Variants in ATRN observed in about 807,000 individuals in gnomAD.
ATRN encodes the protein attractin-2.
A neutral mutation model predicts 178.7 loss-of-function variants in ATRN; 54 were observed. That is an observed-to-expected ratio of 0.30 (90% CI 0.24 to 0.38). ATRN has a LOEUF of 0.38. ATRN is among the 10% of genes least tolerant of loss of function. The probability of loss-of-function intolerance (pLI) is 1.00; values close to 1 mark genes in which losing one functional copy is unlikely to be tolerated. For missense variants in ATRN, 1,443 were observed against 1,815.1 expected (o/e 0.79, Z 3.73); for synonymous variants, 636 against 663.0 (o/e 0.96, Z 0.63).
intron 1 of ATRN, among the ~76,000 whole-genome samples, chr20:3,523,281 A>T (rs888916779): frequency 3.9e-5 from 6 of 151,926 alleles, no homozygotes; most frequent in Non-Finnish European, 5.9e-5. Flanking sequence ...ACAAGTATCA[A>T]TAGCCAAATC....
At chr20:3,623,304 T>C (rs2086911347) in intron 24 of ATRN, among the ~76,000 whole-genome samples, 4 of 152,368 alleles carry the variant, frequency 2.6e-5, no homozygotes, top group Middle Eastern at 6.8e-3. Flanking sequence ...GGTTTCTGTT[T>C]ATTGTATGAA....
At chr20:3,471,674 A>T (rs570278952) in intron 1 of ATRN, among the ~76,000 whole-genome samples, 157 bp downstream of exon 1, 2 of 152,286 alleles carry the variant, frequency 1.3e-5, no homozygotes, top group African/African-American at 4.8e-5. Flanking sequence ...CGGGGAGATC[A>T]TCGTCTCTGG....
At chr20:3,505,225 C>T (rs889532482) in intron 1 of ATRN, among the ~76,000 whole-genome samples, 1 of 152,182 alleles carries the variant, frequency 6.6e-6, no homozygotes, top group Non-Finnish European at 1.5e-5. Flanking sequence ...AATCTCATTT[C>T]TCTTCTGGAG....
At chr20:3,629,914 G>A (rs1271844131) in intron 25 of ATRN, among the ~76,000 whole-genome samples, 2 of 150,650 alleles carry the variant, frequency 1.3e-5, no homozygotes, top group South Asian at 4.2e-4. Flanking sequence ...CACTATCCTG[G>A]AAGCTCCCCC....
intron 1 of ATRN, among the ~76,000 whole-genome samples, chr20:3,529,953 A>C (rs139730371): frequency 6.6e-6 from 1 of 152,252 alleles, no homozygotes; most frequent in Non-Finnish European, 1.5e-5. Flanking sequence ...CGAAGAAGCA[A>C]ACTATTGAAA....
At chr20:3,605,378 C>A (rs574698110) in intron 24 of ATRN, among the ~76,000 whole-genome samples, 1 of 152,258 alleles carries the variant, frequency 6.6e-6, no homozygotes, top group Admixed American at 6.5e-5. Flanking sequence ...GCAGAAATAC[C>A]ATTTGACCCA....
At chr20:3,601,417 T>C (rs2086606138) in intron 23 of ATRN, among the ~76,000 whole-genome samples, 1 of 152,130 alleles carries the variant, frequency 6.6e-6, no homozygotes, top group African/African-American at 2.4e-5. Flanking sequence ...AAATGATTCG[T>C]TTCAATAAAT....
At chr20:3,594,622 G>C in intron 20 of ATRN, 50 bp downstream of exon 20, 1 of 1,508,670 alleles carries the variant, frequency 6.6e-7, no homozygotes, top group East Asian at 2.3e-5. Context: ...AGGCTGTGCA[G>C]CTGCCTGAAC....
chr20:3,511,417 CAGG>C (rs1304959701), intron 1 of ATRN, among the ~76,000 whole-genome samples: 1 of 151,182 alleles, frequency 6.6e-6, no homozygotes, highest in African/African-American at 2.4e-5. Context: ...CTGACAAAAT[CAGG>C]AGGATTTTTT....
chr20:3,486,018 T>A (rs537593956), intron 1 of ATRN, among the ~76,000 whole-genome samples: 8 of 152,338 alleles, frequency 5.3e-5, no homozygotes, highest in African/African-American at 1.9e-4. Flanking sequence ...CTCATATAGC[T>A]GGGTCTGGAA....
chr20:3,613,234 G>GT (rs1209439638), intron 24 of ATRN, among the ~76,000 whole-genome samples: 1 of 152,168 alleles, frequency 6.6e-6, no homozygotes, highest in Non-Finnish European at 1.5e-5. Context: ...GAAAACGCAG[G>GT]TAAGTTCTAT....
rs916676619 is a variant in ATRN, at chr20:3,569,600, G to A, written c.1872-3131G>A. On this transcript the variant is annotated intron_variant, in intron 11 of 28. Coordinates refer to ENST00000262919, the MANE Select transcript of ATRN (RefSeq NM_139321.3). ...GCTACACTAAATTTATTTTAAAATT[G>A]TTTTCTTCAATAATAAATTAACCTT... Among the ~76,000 whole-genome samples the A allele has an allele frequency of 3.3e-5, 5 of 152,002 alleles. 1 individual carries two copies. The highest frequency in any genetic ancestry group is 3.3e-4 in the Admixed American group (5 of 15,272).
chr20:3,532,203 G>T (rs1469832171), intron 1 of ATRN, among the ~76,000 whole-genome samples: 2 of 152,190 alleles, frequency 1.3e-5, no homozygotes, highest in Non-Finnish European at 2.9e-5. Flanking sequence ...AAGTGTTCAC[G>T]TGAAGTCCAC....
At chr20:3,497,433 C>A (rs2084896389) in intron 1 of ATRN, among the ~76,000 whole-genome samples, 1 of 151,912 alleles carries the variant, frequency 6.6e-6, no homozygotes, top group Non-Finnish European at 1.5e-5. Context: ...CTTAGTTTGG[C>A]TGGATATGAA....
intron 1 of ATRN, among the ~76,000 whole-genome samples, chr20:3,484,265 A>T (rs994888487): frequency 6.6e-6 from 1 of 151,368 alleles, no homozygotes; most frequent in Admixed American, 6.6e-5. Context: ...AAAAAAAACA[A>T]CAAAGAAACC....
chr20:3,603,581 C>T (rs1277455164), intron 23 of ATRN, among the ~76,000 whole-genome samples: 1 of 151,894 alleles, frequency 6.6e-6, no homozygotes, highest in Non-Finnish European at 1.5e-5. Flanking sequence ...CCTCTGCCTC[C>T]CAGGTTCAAG....
chr20:3,503,486 A>G (rs1490556839), intron 1 of ATRN, among the ~76,000 whole-genome samples: 3 of 152,202 alleles, frequency 2.0e-5, no homozygotes, highest in African/African-American at 4.8e-5. Flanking sequence ...TCCTGAAACA[A>G]AAGATATAAA....
intron 18 of ATRN, among the ~76,000 whole-genome samples, chr20:3,585,135 A>C (rs564344944): frequency 4.6e-5 from 7 of 152,286 alleles, no homozygotes; most frequent in African/African-American, 1.7e-4. Context: ...ACCACTCAGC[A>C]ATGTGTCTGT....
At chr20:3,580,464 T>C (rs1017190022) in intron 15 of ATRN, among the ~76,000 whole-genome samples, 1 of 152,210 alleles carries the variant, frequency 6.6e-6, no homozygotes, top group South Asian at 2.1e-4. Context: ...CTTCCACAGC[T>C]ATACCTCTAG....
Sources: allele counts gnomAD v4.1 joint callset (sites outside exome capture counted in the v4.1 genomes callset), GRCh38; gene constraint gnomAD v4.1.1; transcripts MANE v1.5; gene names NCBI Gene and HGNC (gene_info 2026-07-23, HGNC 2026-07-21).